Variants in LINGO2 observed in about 807,000 individuals in gnomAD.
The protein encoded by LINGO2 is leucine-rich repeat and immunoglobulin-like domain-containing nogo receptor-interacting protein 2.
LINGO2 carries 14 observed loss-of-function variants against 30.6 expected under a neutral mutation model. The observed-to-expected ratio is 0.46, with a 90% CI of 0.30 to 0.72. The LOEUF (loss-of-function observed/expected upper bound fraction) is 0.72. Among genes scored for constraint, LINGO2 ranks in the 30% least tolerant of loss-of-function variants. The pLI is 0.07. For synonymous variants in LINGO2, 317 were observed against 288.5 expected, an observed-to-expected ratio of 1.10 and a Z score of -1.00; for missense variants, 729 against 751.7, an observed-to-expected ratio of 0.97 and a Z score of 0.35.
At chr9:28,347,137 T>C (rs932082238) in intron 3 of LINGO2, among the ~76,000 whole-genome samples, 1 of 152,208 alleles carries the variant, frequency 6.6e-6, no homozygotes, top group African/African-American at 2.4e-5. Flanking sequence ...ATATAGGATG[T>C]GAATCCATGG....
the LINGO2 span, among the ~76,000 whole-genome samples, chr9:28,848,272 C>T: frequency 3.4e-5 from 3 of 89,296 alleles, no homozygotes; most frequent in East Asian, 1.1e-3. Context: ...TGTATATATA[C>T]TATATATACA....
intron 4 of LINGO2, among the ~76,000 whole-genome samples, chr9:28,104,695 A>T (rs2133330521): frequency 6.6e-6 from 1 of 152,234 alleles, no homozygotes; most frequent in African/African-American, 2.4e-5. Context: ...ACTAAAACTT[A>T]CACATTTCTT....
chr9:28,720,559 TGAG>T, the LINGO2 span, among the ~76,000 whole-genome samples: 424 of 152,168 alleles, frequency 2.8e-3, 3 homozygotes, highest in African/African-American at 9.8e-3. Flanking sequence ...CTGTCACTGA[TGAG>T]GAGATGTTTT....
At chr9:28,139,279 G>A (rs1178352373) in intron 4 of LINGO2, among the ~76,000 whole-genome samples, 1 of 152,132 alleles carries the variant, frequency 6.6e-6, no homozygotes, top group African/African-American at 2.4e-5. Context: ...GCTTCCAACA[G>A]CTTTCTACAG....
the LINGO2 span, among the ~76,000 whole-genome samples, chr9:28,743,685 C>T: frequency 1.3e-5 from 2 of 151,886 alleles, no homozygotes; most frequent in African/African-American, 4.8e-5. Context: ...TTGAACTGCC[C>T]TCTATGGGAT....
intron 1 of LINGO2, among the ~76,000 whole-genome samples, chr9:28,564,384 T>C (rs1823257949): frequency 6.6e-6 from 1 of 152,092 alleles, no homozygotes; most frequent in South Asian, 2.1e-4. Flanking sequence ...CAATTGTGCT[T>C]TTTTAAAATA....
At chr9:28,838,597 A>G in the LINGO2 span, among the ~76,000 whole-genome samples, 2 of 152,168 alleles carry the variant, frequency 1.3e-5, no homozygotes, top group African/African-American at 4.8e-5. Flanking sequence ...GCTCAAGCTA[A>G]TAATCTGGGG....
chr9:28,249,395 C>G (rs1401861754), intron 4 of LINGO2, among the ~76,000 whole-genome samples: 4 of 152,056 alleles, frequency 2.6e-5, no homozygotes, highest in Non-Finnish European at 5.9e-5. Context: ...ATTCAAGTTT[C>G]TAGAATAACT....
intron 5 of LINGO2, among the ~76,000 whole-genome samples, chr9:28,001,594 T>C (rs902952653): frequency 6.6e-6 from 1 of 152,174 alleles, no homozygotes; most frequent in African/African-American, 2.4e-5. Flanking sequence ...AGTCCAGTGC[T>C]TTTCCTATAT....
At chr9:28,775,912 A>G in the LINGO2 span, among the ~76,000 whole-genome samples, 2 of 152,116 alleles carry the variant, frequency 1.3e-5, no homozygotes, top group Admixed American at 1.3e-4. Context: ...AAAAATTGTA[A>G]CATCATATAT....
At chr9:28,565,576 G>A (rs187044348) in intron 1 of LINGO2, among the ~76,000 whole-genome samples, 1 of 143,812 alleles carries the variant, frequency 7.0e-6, no homozygotes, top group Non-Finnish European at 1.5e-5. Flanking sequence ...TTTTGAGACG[G>A]AGTCTCGCTC....
chr9:28,046,293 TTATC>T (rs1824418748), intron 4 of LINGO2, among the ~76,000 whole-genome samples: 1 of 152,156 alleles, frequency 6.6e-6, no homozygotes, highest in Admixed American at 6.5e-5. Flanking sequence ...CATTAAGAAT[TTATC>T]TAGGTTAGAA....
At chr9:28,660,154 A>G (rs1828531933) in intron 1 of LINGO2, among the ~76,000 whole-genome samples, 1 of 152,176 alleles carries the variant, frequency 6.6e-6, no homozygotes, top group Non-Finnish European at 1.5e-5. Context: ...TTGAGCACCT[A>G]TATTATTGTG....
the LINGO2 span, among the ~76,000 whole-genome samples, chr9:29,036,690 A>T: frequency 6.6e-6 from 1 of 151,994 alleles, no homozygotes; most frequent in African/African-American, 2.4e-5. Context: ...CATTCCATCT[A>T]TCAGAAAAAA....
rs79167387 is a variant in LINGO2, at chr9:28,281,014, A to G, written c.-87+14194T>C. 7.7e-3 allele frequency among the ~76,000 whole-genome samples: 1,176 copies of G among 152,256 alleles called. 21 individuals carry two copies. The highest frequency in any genetic ancestry group is 0.026 in the African/African-American group (1,075 of 41,564). On this transcript the variant is annotated intron_variant, in intron 4 of 5. Transcript: ENST00000379992. ...AATATTTATTATGATCATTTGTAAC[A>G]GTCTTTTAAAAAACTTTCTTTCAAA... is the stretch of plus-strand genomic sequence containing the variant.
intron 1 of LINGO2, among the ~76,000 whole-genome samples, chr9:28,489,389 G>A (rs957586407): frequency 1.3e-5 from 2 of 151,960 alleles, no homozygotes; most frequent in African/African-American, 4.8e-5. Context: ...GGCTAGTCTC[G>A]AACTCCTGAC....
At chr9:29,082,707 T>G in the LINGO2 span, among the ~76,000 whole-genome samples, 5 of 151,926 alleles carry the variant, frequency 3.3e-5, no homozygotes, top group African/African-American at 9.7e-5. Context: ...ATATCCAGAA[T>G]CTATAAAGAA....
At chr9:28,054,796 T>TA (rs1824845296) in intron 4 of LINGO2, among the ~76,000 whole-genome samples, 1 of 150,834 alleles carries the variant, frequency 6.6e-6, no homozygotes. Flanking sequence ...ACTTAATTTT[T>TA]AATTTTCAAT....
At position 28,050,273 on chromosome 9, in the gene LINGO2, T is replaced by TAC. The variant is rs1315971514; in HGVS notation, c.-86-37870_-86-37869dup. 2.0e-5 allele frequency among the ~76,000 whole-genome samples: 3 copies of TAC among 150,706 alleles called. No individual in the cohort carries two copies. In the Admixed American group the frequency reaches 2.0e-4, roughly 10 times the overall value. ...TGAGGTTACAAAAATGAGTAAGACATACTTCCTGTCTGTAAGGAACTCACA... is the reference window on the plus strand; with the variant it reads ...TGAGGTTACAAAAATGAGTAAGACATACACTTCCTGTCTGTAAGGAACTCACA... On this transcript the variant is annotated intron_variant, in intron 4 of 5. Transcript: ENST00000379992.
Sources: gnomAD v4.1 joint callset for allele counts (sites outside exome capture counted in the v4.1 genomes callset) on GRCh38, gnomAD v4.1.1 for gene constraint, MANE v1.5 for transcripts, NCBI Gene and HGNC (gene_info 2026-07-23, HGNC 2026-07-21) for gene names.